Variants in EXT2 observed in about 807,000 individuals in gnomAD.
EXT2 encodes exostosin-2.
A neutral mutation model predicts 81.6 loss-of-function variants in EXT2; 53 were observed. The ratio of observed to expected loss-of-function variants is 0.65; its 90% confidence interval spans 0.52 to 0.82. EXT2 has a LOEUF of 0.82. Among genes scored for constraint, EXT2 ranks in the 40% least tolerant of loss-of-function variants. The probability of loss-of-function intolerance (pLI) is 0.00; values close to 1 mark genes in which losing one functional copy is unlikely to be tolerated. For synonymous variants in EXT2, 320 were observed against 340.0 expected, an observed-to-expected ratio of 0.94 and a Z score of 0.65; for missense variants, 774 against 910.2, an observed-to-expected ratio of 0.85 and a Z score of 1.93.
At chr11:44,100,843 C>G (rs1487881956) in intron 1 of EXT2, among the ~76,000 whole-genome samples, 1 of 152,158 alleles carries the variant, frequency 6.6e-6, no homozygotes, top group East Asian at 1.9e-4. Flanking sequence ...GCACCGAGAA[C>G]TTTGAATTCC....
At chr11:44,128,209 T>C (rs1191422892) in intron 6 of EXT2, among the ~76,000 whole-genome samples, 4 of 152,210 alleles carry the variant, frequency 2.6e-5, no homozygotes. Context: ...AGTCTCTGTT[T>C]CCAAGGAGGC....
At chr11:44,209,420 A>G (rs778585820) in intron 10 of EXT2, among the ~76,000 whole-genome samples, 6 of 152,166 alleles carry the variant, frequency 3.9e-5, no homozygotes, top group Admixed American at 3.9e-4. Context: ...TGATTCTACT[A>G]TGATTCATGA....
chr11:44,114,033 C>T (rs1954183876), intron 3 of EXT2, 152 bp from the exon 4 acceptor site: 2 of 732,414 alleles, frequency 2.7e-6, no homozygotes, highest in African/African-American at 1.7e-5. Context: ...CCCCGAGATG[C>T]GTGTATAAGG....
Position 44,206,812 on chromosome 11 carries a change from C to T in EXT2, c.1515C>T (p.Ile505=). ...NPPEDSLWPK[I]RVPLKVVRTA... ...TTCCAGATTCTCTCTGGCCCAAAATCCGGGTTCCATTAAAAGTTGTGAGGA... is the reference window on the plus strand; with the variant it reads ...TTCCAGATTCTCTCTGGCCCAAAATTCGGGTTCCATTAAAAGTTGTGAGGA... Residue 505 remains isoleucine (I), a synonymous_variant, in exon 10 of 14, where the codon ATC becomes ATT. Coordinates refer to ENST00000533608, the MANE Select transcript of EXT2 (RefSeq NM_207122.2). The T allele has an allele frequency of 1.2e-6, 2 of 1,613,984 alleles. No individual in the cohort carries two copies. Among genetic ancestry groups the T allele is most frequent in the Middle Eastern group, 3.3e-4 (2 of 6,062 alleles).
At chr11:44,113,133 T>C (rs781246092) in intron 3 of EXT2, among the ~76,000 whole-genome samples, 8 of 152,178 alleles carry the variant, frequency 5.3e-5, no homozygotes, top group Non-Finnish European at 1.0e-4. Flanking sequence ...AGCCTGCAGG[T>C]TACCTCACTC....
At chr11:44,175,754 C>T (rs991562250) in intron 8 of EXT2, among the ~76,000 whole-genome samples, 3 of 151,980 alleles carry the variant, frequency 2.0e-5, no homozygotes, top group African/African-American at 4.8e-5. Flanking sequence ...TTAATTCAGA[C>T]AGGAAGATCT....
chr11:44,184,762 A>G (rs567707490), intron 8 of EXT2, among the ~76,000 whole-genome samples: 260 of 152,260 alleles, frequency 1.7e-3, no homozygotes, highest in African/African-American at 5.6e-3. Context: ...AAATAATAAT[A>G]ATAATAATAA....
At chr11:44,227,703 G>GA (rs752675760) in intron 10 of EXT2, among the ~76,000 whole-genome samples, 8 of 152,196 alleles carry the variant, frequency 5.3e-5, no homozygotes, top group Non-Finnish European at 1.0e-4. Context: ...GAAGAACTTG[G>GA]AAAATGGCCA....
intron 10 of EXT2, among the ~76,000 whole-genome samples, chr11:44,223,853 G>T (rs915006100): frequency 6.6e-6 from 1 of 152,014 alleles, no homozygotes; most frequent in Non-Finnish European, 1.5e-5. Flanking sequence ...GGGTTTCACC[G>T]TGTTACCCAG....
intron 10 of EXT2, 29 bp from the exon 11 acceptor site, chr11:44,232,324 C>T (rs745470007): frequency 6.2e-7 from 1 of 1,612,918 alleles, no homozygotes; most frequent in Non-Finnish European, 8.5e-7. Flanking sequence ...TGAATTGGGA[C>T]TTGATTGTTA....
chr11:44,096,485 T>C (rs971398650), intron 1 of EXT2, among the ~76,000 whole-genome samples: 3 of 150,670 alleles, frequency 2.0e-5, no homozygotes, highest in African/African-American at 7.4e-5. Flanking sequence ...GGGGGCGTGT[T>C]AGGCAGGGGA....
In EXT2 at chr11:44,095,704, C is replaced by T. The variant is rs906434941; in HGVS notation, c.-179C>T. ...GACGGCCCGGATCCCGGTTACCGGCCCCTCGCTCGCTGCTCGCCAGCCCAG... is the reference window on the plus strand; with the variant it reads ...GACGGCCCGGATCCCGGTTACCGGCTCCTCGCTCGCTGCTCGCCAGCCCAG... On this transcript the variant is annotated 5_prime_UTR_variant, in exon 1 of 14. Transcript: ENST00000533608. 6.5e-6 allele frequency: 1 copy of T among 153,186 alleles called. No individual in the cohort carries two copies. Among genetic ancestry groups the T allele is most frequent in the Middle Eastern group, 3.4e-3 (1 of 294 alleles). The allele number at this position is 153,186 out of a possible 1,614,324, so 9.5% of individuals were successfully genotyped here.
chr11:44,215,354 T>C (rs1419256398), intron 10 of EXT2, among the ~76,000 whole-genome samples: 1 of 152,262 alleles, frequency 6.6e-6, no homozygotes, highest in Non-Finnish European at 1.5e-5. Flanking sequence ...TATTATCTTC[T>C]TTGACACATA....
At chr11:44,194,767 T>A (rs1342165206) in intron 8 of EXT2, among the ~76,000 whole-genome samples, 2 of 152,220 alleles carry the variant, frequency 1.3e-5, no homozygotes, top group Non-Finnish European at 1.5e-5. Flanking sequence ...ATATCACACA[T>A]TAAATCATTT....
At chr11:44,179,008 C>T (rs1955197247) in intron 8 of EXT2, among the ~76,000 whole-genome samples, 1 of 151,996 alleles carries the variant, frequency 6.6e-6, no homozygotes, top group Non-Finnish European at 1.5e-5. Context: ...AGGATGTCAG[C>T]AGCCAGGGAA....
At chr11:44,181,800 G>A (rs776682493) in intron 8 of EXT2, among the ~76,000 whole-genome samples, 7 of 151,846 alleles carry the variant, frequency 4.6e-5, no homozygotes, top group Admixed American at 6.6e-5. Flanking sequence ...GTTTTTGTTT[G>A]CTATTTTTCT....
chr11:44,139,792 C>T (rs1269969434), intron 7 of EXT2, among the ~76,000 whole-genome samples: 1 of 152,154 alleles, frequency 6.6e-6, no homozygotes, highest in Non-Finnish European at 1.5e-5. Context: ...TTATGGGCTT[C>T]TTTGGCTCTT....
chr11:44,211,626 G>T (rs1564978333), intron 10 of EXT2, among the ~76,000 whole-genome samples: 1 of 152,168 alleles, frequency 6.6e-6, no homozygotes, highest in African/African-American at 2.4e-5. Flanking sequence ...TGGAGAGAAA[G>T]GCAGGTAAAG....
chr11:44,197,991 A>C lies in EXT2; in HGVS notation c.1468A>C (p.Asn490His). 2 of 1,614,092 alleles carry C rather than the reference A, an allele frequency of 1.2e-6. No homozygotes were observed. The highest frequency in any genetic ancestry group is 1.7e-6 in the Non-Finnish European group (2 of 1,179,970). ...TCTATCCAAACTACTTGTCGTCTGG[A>C]ATAATCAGAATAAAAACCCTCCAGA... Reference protein sequence around the residue: ...PSLSKLLVVWNNQNKNPPEDS... With the variant: ...PSLSKLLVVWHNQNKNPPEDS... Residue 490 changes from asparagine to histidine, a missense_variant, in exon 9 of 14, where the codon AAT (asparagine) becomes CAT (histidine). Physicochemically the swap from Asn to His is moderately conservative, Grantham distance 68. Coordinates refer to ENST00000533608, the MANE Select transcript of EXT2 (RefSeq NM_207122.2).
Sources: allele counts gnomAD v4.1 joint callset (sites outside exome capture counted in the v4.1 genomes callset), GRCh38; gene constraint gnomAD v4.1.1; transcripts MANE v1.5; gene names NCBI Gene and HGNC (gene_info 2026-07-23, HGNC 2026-07-21).